Variants in PDE1C observed in about 807,000 individuals in gnomAD.
The protein encoded by PDE1C is phosphodiesterase 1C.
A neutral mutation model predicts 93.1 loss-of-function variants in PDE1C; 62 were observed. That is an observed-to-expected ratio of 0.67 (90% CI 0.54 to 0.82). PDE1C has a LOEUF of 0.82. PDE1C is among the 40% of genes least tolerant of loss of function. The pLI is 0.00. For missense variants in PDE1C, 742 were observed against 884.6 expected (o/e 0.84, Z 2.04); for synonymous variants, 325 against 310.1 (o/e 1.05, Z -0.50).
At position 31,823,218 on chromosome 7, in the gene PDE1C, C is replaced by T. The variant is rs775813403; in HGVS notation, c.1437G>A (p.Lys479=). 5 of 1,611,580 alleles carry T rather than the reference C, an allele frequency of 3.1e-6. No homozygotes were observed. In the African/African-American group the frequency reaches 6.7e-5, roughly 22 times the overall value. The change falls in exon 14 of 18, where the codon AAG becomes AAA. Residue 479 remains lysine (K), a synonymous_variant. Transcript: ENST00000396191. ...SLNSISSSDA[K]RSGVKTSGSE... ...AACCAGAGGTCTTGACACCTGATCG[C>T]TTGGCATCTGACGAGCTGATGCTAT... is the stretch of plus-strand genomic sequence containing the variant.
At chr7:31,651,910 T>G in the PDE1C span, 1 of 1,495,238 alleles carries the variant, frequency 6.7e-7, no homozygotes, top group Non-Finnish European at 9.1e-7. Flanking sequence ...GATTGTTAAA[T>G]TTGGTTATTT....
intron 11 of PDE1C, among the ~76,000 whole-genome samples, chr7:31,835,653 T>G (rs1177814323): frequency 6.6e-6 from 1 of 151,810 alleles, no homozygotes; most frequent in African/African-American, 2.4e-5. Flanking sequence ...TCCTAAATCC[T>G]TCCCTCCCCC....
intron 1 of PDE1C, among the ~76,000 whole-genome samples, chr7:32,266,923 G>A (rs1027069427): frequency 7.9e-5 from 12 of 152,038 alleles, no homozygotes; most frequent in South Asian, 4.2e-4. Flanking sequence ...GGGGGGGTGC[G>A]CTGGAGAGGC....
At chr7:31,617,124 A>ATTTATCAACTTGTTCAGTT in the PDE1C span, among the ~76,000 whole-genome samples, 4 of 152,310 alleles carry the variant, frequency 2.6e-5, no homozygotes, top group East Asian at 5.8e-4. Context: ...TCCCGGTATA[A>ATTTATCAACTTGTTCAGTT]TTTATCAACT....
the PDE1C span, among the ~76,000 whole-genome samples, chr7:31,679,246 G>A: frequency 6.6e-6 from 1 of 152,190 alleles, no homozygotes; most frequent in Non-Finnish European, 1.5e-5. Flanking sequence ...ACCCTTGCCA[G>A]AAACTGGGTA....
Position 32,211,409 on chromosome 7 carries a change from C to G in PDE1C, c.86-1870G>C, listed in dbSNP as rs186083044. ...ATATTCCTGCCTCCACTCAGAGCTA[C>G]ATCCAAAGTATTTCAGAACAATGGT... is the stretch of plus-strand genomic sequence containing the variant. On this transcript the variant is annotated intron_variant, in intron 1 of 18. Coordinates refer to the PDE1C transcript ENST00000396193. Among the ~76,000 whole-genome samples the G allele has an allele frequency of 5.4e-4, 82 of 152,250 alleles. 1 individual carries two copies. The highest frequency in any genetic ancestry group is 1.8e-3 in the African/African-American group (76 of 41,538).
chr7:32,405,031 C>G (rs1254473787), intron 1 of PDE1C, among the ~76,000 whole-genome samples: 1 of 152,080 alleles, frequency 6.6e-6, no homozygotes, highest in Non-Finnish European at 1.5e-5. Context: ...TGTGTGGAGC[C>G]TGGGTTGAGG....
At chr7:32,425,261 T>C (rs1272408605) in intron 1 of PDE1C, among the ~76,000 whole-genome samples, 1 of 152,180 alleles carries the variant, frequency 6.6e-6, no homozygotes, top group Non-Finnish European at 1.5e-5. Flanking sequence ...AAAGGCTACC[T>C]AGCTTCACAG....
Position 32,324,211 on chromosome 7 carries a change from T to C in PDE1C, c.310+103611A>G, listed in dbSNP as rs552754963. ...GTCTATAGTGGCTCTCATGCTATTA[T>C]ATGGCCCATAAAACCTAAAATGCTT... On this transcript the variant is annotated intron_variant, in intron 1 of 1. Coordinates refer to the PDE1C transcript ENST00000672256. Among the ~76,000 whole-genome samples, 12 of 152,344 alleles carry C rather than the reference T, an allele frequency of 7.9e-5. No individual in the cohort carries two copies. In the East Asian group the frequency reaches 2.3e-3, roughly 29 times the overall value.
chr7:32,081,557 A>G (rs112330137), intron 3 of PDE1C, among the ~76,000 whole-genome samples: 36 of 152,278 alleles, frequency 2.4e-4, no homozygotes, highest in African/African-American at 7.9e-4. Flanking sequence ...AATTCAACCT[A>G]TCAGAATCTA....
chr7:31,988,790 A>G (rs1783748796), intron 2 of PDE1C, among the ~76,000 whole-genome samples: 1 of 152,050 alleles, frequency 6.6e-6, no homozygotes, highest in Admixed American at 6.5e-5. Context: ...AGGTCAGGAG[A>G]TTGAGACCAT....
intron 3 of PDE1C, among the ~76,000 whole-genome samples, chr7:32,168,277 C>A (rs1226543997): frequency 6.6e-6 from 1 of 152,170 alleles, no homozygotes; most frequent in African/African-American, 2.4e-5. Context: ...CTACACGTTA[C>A]AACTAACAGA....
chr7:32,144,270 T>A (rs1319482169), intron 3 of PDE1C, among the ~76,000 whole-genome samples: 2 of 152,178 alleles, frequency 1.3e-5, no homozygotes, highest in East Asian at 1.9e-4. Flanking sequence ...GTCTCTCTTC[T>A]GTGCCAGCTT....
Position 32,200,970 on chromosome 7 carries a change from C to T in PDE1C, c.136+8519G>A, listed in dbSNP as rs146766588. 6.9e-3 allele frequency among the ~76,000 whole-genome samples: 1,045 copies of T among 152,276 alleles called. 6 individuals carry two copies. The highest frequency in any genetic ancestry group is 0.024 in the African/African-American group (1,010 of 41,550). On this transcript the variant is annotated intron_variant, in intron 2 of 18. Coordinates refer to the PDE1C transcript ENST00000396193. ...ATCCAACTTCTCCACCCTGCATAGC[C>T]AAAGGTCTTATCTCCTCTCCCCATG...
chr7:32,406,713 G>A (rs1037465772), intron 1 of PDE1C, among the ~76,000 whole-genome samples: 1 of 152,156 alleles, frequency 6.6e-6, no homozygotes, highest in Non-Finnish European at 1.5e-5. Context: ...AGGAGGCAGG[G>A]AGATACATTC....
At chr7:31,915,988 A>G (rs1051799145) in intron 2 of PDE1C, among the ~76,000 whole-genome samples, 4 of 152,162 alleles carry the variant, frequency 2.6e-5, no homozygotes, top group African/African-American at 9.7e-5. Context: ...CTGTCTGTTC[A>G]GATTTTCTCT....
chr7:31,960,072 G>A (rs2129030037), intron 2 of PDE1C, among the ~76,000 whole-genome samples: 1 of 150,976 alleles, frequency 6.6e-6, no homozygotes, highest in African/African-American at 2.4e-5. Context: ...CCCCATCTTT[G>A]CCATGTTGGC....
chr7:32,206,239 GA>G (rs1482621216), intron 2 of PDE1C, among the ~76,000 whole-genome samples: 2 of 152,068 alleles, frequency 1.3e-5, no homozygotes, highest in Admixed American at 6.5e-5. Flanking sequence ...TGTGTATGCT[GA>G]TAATGGGACG....
chr7:31,972,544 C>G (rs1811098745), intron 2 of PDE1C, among the ~76,000 whole-genome samples: 1 of 152,118 alleles, frequency 6.6e-6, no homozygotes, highest in African/African-American at 2.4e-5. Flanking sequence ...GGGCTCGGTT[C>G]CAGAATATTT....
Sources: gnomAD v4.1 joint callset for allele counts (sites outside exome capture counted in the v4.1 genomes callset) on GRCh38, gnomAD v4.1.1 for gene constraint, MANE v1.5 for transcripts, NCBI Gene and HGNC (gene_info 2026-07-23, HGNC 2026-07-21) for gene names.